The following TRAF7 variants were observed in gnomAD, a reference collection of about 807,000 sequenced individuals.
TRAF7 encodes E3 ubiquitin-protein ligase TRAF7.
A neutral mutation model predicts 89.3 loss-of-function variants in TRAF7; 45 were observed. The ratio of observed to expected loss-of-function variants is 0.50; its 90% CI spans 0.40 to 0.65. The LOEUF (loss-of-function observed/expected upper bound fraction) is 0.65. Among genes scored for constraint, TRAF7 ranks in the 30% least tolerant of loss-of-function variants. The pLI, the probability that TRAF7 is intolerant of heterozygous loss-of-function variation, is 0.00. For missense variants in TRAF7, 677 were observed against 918.1 expected, an observed-to-expected ratio of 0.74 and a Z score of 3.39; for synonymous variants, 406 against 369.2, an observed-to-expected ratio of 1.10 and a Z score of -1.14.
chr16:2,156,463 C>A (rs2093035022), intron 1 of TRAF7, among the ~76,000 whole-genome samples: 1 of 152,150 alleles, frequency 6.6e-6, no homozygotes, highest in Non-Finnish European at 1.5e-5. Flanking sequence ...TAGTTAAAAT[C>A]ATGGGGAGCA....
chr16:2,168,149 G>C lies in TRAF7; in HGVS notation c.212G>C (p.Arg71Pro). ...SSSSTLAYSP[R>P]DEEDSMPPIS... ...TCCAGCACCCTTGCCTACTCCCCGC[G>C]GGACGAGGAGGACAGCATGGTAGGT... Residue 71 changes from arginine to proline, a missense_variant, in exon 4 of 21, where the codon CGG (arginine) becomes CCG (proline). Arg to Pro is a moderately radical substitution (Grantham distance 103, BLOSUM62 -2). Coordinates refer to ENST00000326181, the MANE Select transcript of TRAF7 (RefSeq NM_032271.3). This position sits in a 1 kb window ranked among gnomAD's most constrained non-coding sequence, Gnocchi z 4.1. 1 of 1,611,490 alleles carries C rather than the reference G, an allele frequency of 6.2e-7. No homozygotes were observed. Among genetic ancestry groups the C allele is most frequent in the Non-Finnish European group, 8.5e-7 (1 of 1,179,624 alleles).
rs374253382 is a variant in TRAF7 at position 2,175,422 on chromosome 16, G to A, written c.1503+5G>A. The A allele has an allele frequency of 1.2e-5, 19 of 1,613,132 alleles. No individual in the cohort carries two copies. Among genetic ancestry groups the A allele is most frequent in the African/African-American group, 8.0e-5 (6 of 74,918 alleles). On this transcript the variant is annotated splice_donor_5th_base_variant and intron_variant, in intron 16 of 20. Coordinates refer to ENST00000326181, the MANE Select transcript of TRAF7 (RefSeq NM_032271.3). Reference sequence around the variant, plus strand: ...GGCTCCCTGAAGGCCATCAAGGTACGGGTGGAGGCTGTGCCTACGTGTGTG... The same window carrying A: ...GGCTCCCTGAAGGCCATCAAGGTACAGGTGGAGGCTGTGCCTACGTGTGTG...
chr16:2,163,051 C>G lies in TRAF7; in HGVS notation c.-38-832C>G, dbSNP rs1398158574. Among the ~76,000 whole-genome samples, 1 of 152,160 alleles carries G rather than the reference C, an allele frequency of 6.6e-6. No individual in the cohort carries two copies. The highest frequency in any genetic ancestry group is 1.5e-5 in the Non-Finnish European group (1 of 68,002). ...TGGGTGTGACCTGTTGGCTGGGTCT[C>G]TTTTTCTCTCTAATGTTTACCTTCC... On this transcript the variant is annotated intron_variant, in intron 1 of 20. Transcript: ENST00000326181. The surrounding 1 kb of genome is among the most constrained non-coding windows in gnomAD (Gnocchi z 4.3).
intron 3 of TRAF7, among the ~76,000 whole-genome samples, chr16:2,167,303 C>T (rs1226334592): frequency 6.6e-6 from 1 of 152,206 alleles, no homozygotes; most frequent in Admixed American, 6.5e-5. Context: ...GAAACCGAGG[C>T]CCAGTCACAC....
intron 2 of TRAF7, among the ~76,000 whole-genome samples, 154 bp downstream of exon 2, chr16:2,164,155 T>C (rs568927829): frequency 3.1e-5 from 4 of 130,480 alleles, no homozygotes; most frequent in Non-Finnish European, 5.0e-5. Context: ...TGTGTGTGTG[T>C]GTGTGCGCGC....
At chr16:2,173,859 T>TGGGGGGCCCCCC in intron 12 of TRAF7, 23 bp downstream of exon 12, 6 of 1,246,204 alleles carry the variant, frequency 4.8e-6, no homozygotes, top group South Asian at 1.2e-5. Context: ...CCGCCGTGGC[T>TGGGGGGCCCCCC]CCCGCCCACC....
Position 2,177,010 on chromosome 16 carries a change from G to A in TRAF7, c.*436G>A. On this transcript the variant is annotated 3_prime_UTR_variant, in exon 21 of 21. Coordinates refer to ENST00000326181, the MANE Select transcript of TRAF7 (RefSeq NM_032271.3). The stretch of plus-strand genomic sequence containing the variant: ...CTTGAGGTTGGTGTGCACAGGCACT[G>A]GCTGCTGTGAGTGGGGGGGCATGGG... The A allele has an allele frequency of 5.7e-6, 2 of 350,210 alleles. No homozygotes were observed. The highest frequency in any genetic ancestry group is 5.4e-6 in the Non-Finnish European group (1 of 186,394). The allele number at this position is 350,210 out of a possible 1,614,324, so 21.7% of individuals were successfully genotyped here. A position where few individuals can be genotyped will look rare whatever the true frequency, so the allele number is the denominator to read the frequency against.
At position 2,158,772 on chromosome 16, in the gene TRAF7, G is replaced by A. The variant is rs1017245874; in HGVS notation, c.-39+2914G>A. Among the ~76,000 whole-genome samples the A allele has an allele frequency of 4.6e-5, 7 of 150,904 alleles. 1 individual carries two copies. Among genetic ancestry groups the A allele is most frequent in the Non-Finnish European group, 1.5e-5 (1 of 67,606 alleles). ...GACTGGGAAGCGTGGGCTCGGCGGG[G>A]GGGGGGGGGACACTGCCACCCTTGG... is the stretch of plus-strand genomic sequence containing the variant. On this transcript the variant is annotated intron_variant, in intron 1 of 20. Transcript: ENST00000326181. The surrounding 1 kb of genome is among the most constrained non-coding windows in gnomAD (Gnocchi z 4.7).
chr16:2,170,595 C>G lies in TRAF7; in HGVS notation c.232-19C>G. 6.3e-7 allele frequency: 1 copy of G among 1,597,092 alleles called. No homozygotes were observed. The highest frequency in any genetic ancestry group is 8.6e-7 in the Non-Finnish European group (1 of 1,168,618). On this transcript the variant is annotated intron_variant, in intron 4 of 20. Coordinates refer to ENST00000326181, the MANE Select transcript of TRAF7 (RefSeq NM_032271.3). Reference sequence around the variant, plus strand: ...ACCCCGTGCGGAGCCCCCCGACAGGCGCCTCTCCCTCCACACAGCCCCCCA... The same window carrying G: ...ACCCCGTGCGGAGCCCCCCGACAGGGGCCTCTCCCTCCACACAGCCCCCCA...
In TRAF7 at chr16:2,175,614, ACAAT is replaced by A; in HGVS notation, c.1622_1625del (p.Ile541ArgfsTer26). Reference sequence around the variant, plus strand: ...CTACCTGTACAGCGGCTCCTACCAGACAATCAAGGTGCGCTTGGGCACACCTGGT... The same window carrying A: ...CTACCTGTACAGCGGCTCCTACCAGACAAGGTGCGCTTGGGCACACCTGGT... On this transcript the variant is annotated frameshift_variant, in exon 17 of 21. Transcript: ENST00000326181. LOFTEE classifies it high-confidence loss of function. The A allele has an allele frequency of 6.2e-7, 1 of 1,611,968 alleles. No individual in the cohort carries two copies. The highest frequency in any genetic ancestry group is 8.5e-7 in the Non-Finnish European group (1 of 1,179,582).
chr16:2,161,062 C>T lies in TRAF7; in HGVS notation c.-38-2821C>T, dbSNP rs74002785. Among the ~76,000 whole-genome samples, 2,137 of 152,240 alleles carry T rather than the reference C, an allele frequency of 0.014. 47 individuals are homozygous for T. The highest frequency in any genetic ancestry group is 0.049 in the African/African-American group (2,035 of 41,540). On this transcript the variant is annotated intron_variant, in intron 1 of 20. Coordinates refer to ENST00000326181, the MANE Select transcript of TRAF7 (RefSeq NM_032271.3). The surrounding 1 kb of genome is among the most constrained non-coding windows in gnomAD (Gnocchi z 5.2). ...ATCCTGCCTTAGGGCGGGACACAAA[C>T]GTTCCCTGGCCTCCAGCCCCAGGGT...
rs1246002882 is a variant in TRAF7 at position 2,172,195 on chromosome 16, G to A, written c.480G>A (p.Lys160=). 16 of 1,612,914 alleles carry A rather than the reference G, an allele frequency of 9.9e-6. No homozygotes were observed. The highest frequency in any genetic ancestry group is 2.7e-5 in the African/African-American group (2 of 74,948). The change falls in exon 8 of 21, where the codon AAG becomes AAA. Residue 160 remains lysine, a synonymous_variant. Coordinates refer to ENST00000326181, the MANE Select transcript of TRAF7 (RefSeq NM_032271.3). ...CAGCACGCCCTCCTCTCCCAGAGAA[G>A]TGTCCCGTGGACAACGTCAAACTGA... ...FCRRCALKSE[K]CPVDNVKLTV...
chr16:2,176,174 C>T lies in TRAF7; in HGVS notation c.1872C>T (p.Ser624=), dbSNP rs142534945. ...TCTTCAGTGCATCCTACGACCGGTC[C>T]CTCAGGGTGCGTGCTGGCCCAGCGG... ...TKVFSASYDR[S]LRVWSMDNMI... Residue 624 remains serine, a synonymous_variant, in exon 19 of 21, where the codon TCC becomes TCT. Transcript: ENST00000326181. 183 of 1,606,052 alleles carry T rather than the reference C, an allele frequency of 1.1e-4. No individual in the cohort carries two copies. In the African/African-American group the frequency reaches 2.2e-3, roughly 19 times the overall value.
At chr16:2,166,076 C>A in intron 3 of TRAF7, 140 bp downstream of exon 3, 1 of 982,270 alleles carries the variant, frequency 1.0e-6, no homozygotes, top group Non-Finnish European at 1.5e-6. Flanking sequence ...CACACCGCAG[C>A]CTGTGTCCTC....
intron 18 of TRAF7, 25 bp from the exon 19 acceptor site, chr16:2,176,024 A>G: frequency 6.2e-7 from 1 of 1,608,178 alleles, no homozygotes; most frequent in African/African-American, 1.3e-5. Context: ...AGTGTCTTTG[A>G]CCTGCCTGTG....
At chr16:2,172,708 C>A in intron 9 of TRAF7, 109 bp downstream of exon 9, 1 of 1,315,678 alleles carries the variant, frequency 7.6e-7, no homozygotes, top group Non-Finnish European at 1.0e-6. Context: ...GAGCTGGGGC[C>A]ACACCGGGGT....
At position 2,168,136 on chromosome 16, in the gene TRAF7, G is replaced by A; in HGVS notation, c.199G>A (p.Ala67Thr). 6.2e-7 allele frequency: 1 copy of A among 1,612,328 alleles called. No homozygotes were observed. The highest frequency in any genetic ancestry group is 1.7e-5 in the Admixed American group (1 of 59,996). Residue 67 changes from alanine to threonine, a missense_variant, in exon 4 of 21, where the codon GCC becomes ACC. Around this residue, in one of 6 missense-constraint regions of TRAF7, gnomAD observed 240 missense variants for 191.9 expected, o/e 1.25. Transcript: ENST00000326181. This position sits in a 1 kb window ranked among gnomAD's most constrained non-coding sequence, Gnocchi z 4.1. The stretch of plus-strand genomic sequence containing the variant: ...GACACCCTCCTCCTCCAGCACCCTT[G>A]CCTACTCCCCGCGGGACGAGGAGGA... ...CRTPSSSSTLAYSPRDEEDSM... is the reference protein window; with the variant it reads ...CRTPSSSSTLTYSPRDEEDSM...
chr16:2,164,196 G>C (rs977082802), intron 2 of TRAF7, among the ~76,000 whole-genome samples, 195 bp downstream of exon 2: 4 of 150,660 alleles, frequency 2.7e-5, no homozygotes, highest in East Asian at 2.0e-4. Flanking sequence ...GTGCGTGTGT[G>C]GTTGGGGCGT....
At chr16:2,167,407 C>T (rs1379995955) in intron 3 of TRAF7, among the ~76,000 whole-genome samples, 1 of 152,224 alleles carries the variant, frequency 6.6e-6, no homozygotes, top group African/African-American at 2.4e-5. Flanking sequence ...CTCTCTGCCT[C>T]CCACGTGGAC....
Sources: gnomAD v4.1 joint callset for allele counts (sites outside exome capture counted in the v4.1 genomes callset) on GRCh38, gnomAD v4.1.1 for gene constraint, gnomAD v4.1.1 regional missense constraint, Gnocchi (gnomAD v3.1) non-coding constraint, MANE v1.5 for transcripts, NCBI Gene and HGNC (gene_info 2026-07-23, HGNC 2026-07-21) for gene names.